SEPTIN11: variants seen among roughly 807,000 people sequenced by gnomAD.
SEPTIN11 encodes the protein septin-11.
Under a neutral mutation model 51.4 loss-of-function variants are expected in SEPTIN11, and 25 were observed. The ratio of observed to expected loss-of-function variants is 0.49; its 90% CI spans 0.35 to 0.68. The LOEUF (loss-of-function observed/expected upper bound fraction) is 0.68. Among genes scored for constraint, SEPTIN11 ranks in the 30% least tolerant of loss-of-function variants. The pLI, the probability that SEPTIN11 is intolerant of heterozygous loss-of-function variation, is 0.00. For missense variants in SEPTIN11, 381 were observed against 520.8 expected, an observed-to-expected ratio of 0.73 and a Z score of 2.61; for synonymous variants, 174 against 184.1, an observed-to-expected ratio of 0.95 and a Z score of 0.44.
At chr4:77,017,503 A>C (rs1167133245) in intron 5 of SEPTIN11, among the ~76,000 whole-genome samples, 1 of 152,210 alleles carries the variant, frequency 6.6e-6, no homozygotes, top group Non-Finnish European at 1.5e-5. Flanking sequence ...CAGGGGAAAC[A>C]ATAGGGTTCA....
intron 4 of SEPTIN11, 56 bp from the exon 5 acceptor site, chr4:77,014,800 C>T: frequency 6.4e-7 from 1 of 1,550,574 alleles, no homozygotes; most frequent in Non-Finnish European, 8.8e-7. Context: ...GTTTTATTCA[C>T]TTGTCTATTT....
intron 6 of SEPTIN11, among the ~76,000 whole-genome samples, chr4:77,020,210 G>T (rs751809171): frequency 6.6e-5 from 10 of 152,154 alleles, no homozygotes; most frequent in Non-Finnish European, 1.5e-4. Context: ...ACATCTAGTT[G>T]GCAGAGTTAT....
At chr4:76,965,087 A>G (rs1721977763) in intron 1 of SEPTIN11, among the ~76,000 whole-genome samples, 1 of 152,106 alleles carries the variant, frequency 6.6e-6, no homozygotes, top group South Asian at 2.1e-4. Context: ...AGATATGCCT[A>G]AGTCTGCTTG....
chr4:76,992,437 G>A (rs762234726), intron 1 of SEPTIN11, among the ~76,000 whole-genome samples: 9 of 152,084 alleles, frequency 5.9e-5, no homozygotes, highest in Non-Finnish European at 8.8e-5. Context: ...GACTATGTTC[G>A]ACAACTCTGG....
intron 7 of SEPTIN11, among the ~76,000 whole-genome samples, chr4:77,027,380 C>T (rs991477123): frequency 1.3e-5 from 2 of 152,218 alleles, no homozygotes; most frequent in Non-Finnish European, 2.9e-5. Context: ...AGGTGATCCT[C>T]CTGCCTCGGC....
In SEPTIN11 at chr4:76,960,157, C is replaced by T. The variant is rs146761715; in HGVS notation, c.27+10227C>T. On this transcript the variant is annotated intron_variant, in intron 1 of 9. Transcript: ENST00000264893. The stretch of plus-strand genomic sequence containing the variant: ...AGCTGATTCATTTTTAGATTCTCCT[C>T]ACGTTTGTCACCTTTGCTCTCATTC... Among the ~76,000 whole-genome samples, 912 of 152,296 alleles carry T rather than the reference C, an allele frequency of 6.0e-3. 5 individuals carry two copies. Among genetic ancestry groups the T allele is most frequent in the Non-Finnish European group, 0.01 (691 of 68,032 alleles).
At chr4:77,012,034 A>G (rs1724901252) in intron 4 of SEPTIN11, 113 bp downstream of exon 4, 2 of 743,474 alleles carry the variant, frequency 2.7e-6, no homozygotes, top group Admixed American at 6.3e-5. Flanking sequence ...GATTACAGGA[A>G]CAGTGTTTGA....
chr4:77,003,351 C>G (rs966143048), intron 2 of SEPTIN11, among the ~76,000 whole-genome samples: 2 of 152,184 alleles, frequency 1.3e-5, no homozygotes, highest in African/African-American at 4.8e-5. Context: ...GCGGTTATGA[C>G]AAACACTTAG....
At chr4:77,019,541 G>A (rs748890690) in intron 6 of SEPTIN11, among the ~76,000 whole-genome samples, 2 of 152,228 alleles carry the variant, frequency 1.3e-5, no homozygotes. Context: ...TTGAAAAATA[G>A]TTCTTCCCTA....
intron 1 of SEPTIN11, among the ~76,000 whole-genome samples, chr4:76,988,286 C>T (rs1461717420): frequency 1.3e-5 from 2 of 152,146 alleles, no homozygotes; most frequent in Non-Finnish European, 2.9e-5. Context: ...GTATTTGTGA[C>T]TATTTGATTG....
At chr4:77,013,758 G>A (rs1018108766) in intron 4 of SEPTIN11, among the ~76,000 whole-genome samples, 2 of 152,154 alleles carry the variant, frequency 1.3e-5, no homozygotes, top group East Asian at 3.8e-4. Flanking sequence ...TTGGATAAAA[G>A]GAGAAGCAAA....
intron 1 of SEPTIN11, chr4:76,959,039 A>G (rs1343325350): frequency 4.0e-6 from 3 of 742,458 alleles, no homozygotes; most frequent in Non-Finnish European, 7.5e-6. Flanking sequence ...CTTTTCAGAG[A>G]GGGAATGAAA....
intron 1 of SEPTIN11, among the ~76,000 whole-genome samples, chr4:76,970,073 T>G (rs1244262963): frequency 6.6e-6 from 1 of 152,196 alleles, no homozygotes; most frequent in Non-Finnish European, 1.5e-5. Context: ...ATGCCTGTCT[T>G]CCTACAATCT....
intron 1 of SEPTIN11, among the ~76,000 whole-genome samples, chr4:76,995,337 G>T (rs540250406): frequency 6.6e-6 from 1 of 151,956 alleles, no homozygotes; most frequent in South Asian, 2.1e-4. Context: ...AGCTGAGATC[G>T]TGCCACTACA....
At chr4:77,013,244 A>G (rs1222610070) in intron 4 of SEPTIN11, among the ~76,000 whole-genome samples, 2 of 152,236 alleles carry the variant, frequency 1.3e-5, no homozygotes, top group Non-Finnish European at 2.9e-5. Context: ...CAAACAGTCA[A>G]CCATAAAGCA....
chr4:77,001,256 T>G (rs1578166656), intron 2 of SEPTIN11, among the ~76,000 whole-genome samples: 1 of 152,196 alleles, frequency 6.6e-6, no homozygotes, highest in Non-Finnish European at 1.5e-5. Flanking sequence ...CAGATGAATT[T>G]ATGATAAAAT....
intron 4 of SEPTIN11, among the ~76,000 whole-genome samples, chr4:77,013,500 T>C (rs1725016230): frequency 6.6e-6 from 1 of 152,216 alleles, no homozygotes; most frequent in Non-Finnish European, 1.5e-5. Flanking sequence ...ATTTTGTCTA[T>C]GTTGACATTA....
chr4:76,974,251 G>A (rs1228509601), intron 1 of SEPTIN11, among the ~76,000 whole-genome samples: 1 of 152,054 alleles, frequency 6.6e-6, no homozygotes, highest in Non-Finnish European at 1.5e-5. Context: ...TCCTTTTCCT[G>A]TTGTCCTCTT....
intron 8 of SEPTIN11, 55 bp downstream of exon 8, chr4:77,028,816 A>C: frequency 6.4e-7 from 1 of 1,561,316 alleles, no homozygotes; most frequent in South Asian, 1.2e-5. Context: ...GATTTTCTAA[A>C]TACATCACGC....
Sources: allele counts gnomAD v4.1 joint callset (sites outside exome capture counted in the v4.1 genomes callset), GRCh38; gene constraint gnomAD v4.1.1; transcripts MANE v1.5; gene names NCBI Gene and HGNC (gene_info 2026-07-23, HGNC 2026-07-21).